Variants in CSTPP1 observed in about 807,000 individuals in gnomAD.
CSTPP1 encodes the protein centriolar satellite-associated tubulin polyglutamylase complex regulator 1.
the CSTPP1 span, among the ~76,000 whole-genome samples, chr11:47,134,821 T>G: frequency 6.6e-6 from 1 of 152,094 alleles, no homozygotes; most frequent in African/African-American, 2.4e-5. Context: ...GGCAGAAAAC[T>G]TTTAGGTGTT....
chr11:46,949,208 G>A, the CSTPP1 span, among the ~76,000 whole-genome samples: 2 of 152,178 alleles, frequency 1.3e-5, no homozygotes, highest in South Asian at 4.1e-4. Context: ...AGGGTTGAGA[G>A]GCTGAATTAA....
At chr11:47,144,382 G>T in the CSTPP1 span, among the ~76,000 whole-genome samples, 2 of 151,996 alleles carry the variant, frequency 1.3e-5, no homozygotes, top group Admixed American at 1.3e-4. Context: ...TAGAGACGGG[G>T]TTTCACCATG....
the CSTPP1 span, among the ~76,000 whole-genome samples, chr11:46,940,645 A>G: frequency 2.0e-5 from 3 of 152,208 alleles, no homozygotes; most frequent in East Asian, 5.8e-4. Context: ...CTATATATAT[A>G]CACATATATA....
the CSTPP1 span, among the ~76,000 whole-genome samples, chr11:47,112,533 G>C: frequency 6.6e-6 from 1 of 152,136 alleles, no homozygotes; most frequent in African/African-American, 2.4e-5. Flanking sequence ...TGTTGGCCAG[G>C]CTGGTCTCAA....
the CSTPP1 span, among the ~76,000 whole-genome samples, chr11:47,070,195 C>T: frequency 6.6e-6 from 1 of 152,042 alleles, no homozygotes. Flanking sequence ...TGTAAATACC[C>T]ACTGATCTGC....
At chr11:47,111,752 T>C in the CSTPP1 span, among the ~76,000 whole-genome samples, 2 of 152,160 alleles carry the variant, frequency 1.3e-5, no homozygotes, top group Non-Finnish European at 2.9e-5. Flanking sequence ...CCAAAGTACA[T>C]AAATGGTGCT....
At chr11:47,030,103 G>A in the CSTPP1 span, among the ~76,000 whole-genome samples, 10 of 152,118 alleles carry the variant, frequency 6.6e-5, no homozygotes, top group Non-Finnish European at 1.3e-4. Flanking sequence ...CTCCAGCCTT[G>A]GTAACAGAAT....
the CSTPP1 span, among the ~76,000 whole-genome samples, chr11:47,101,155 C>A: frequency 7.9e-6 from 1 of 126,064 alleles, no homozygotes; most frequent in Non-Finnish European, 1.6e-5. Flanking sequence ...CCTGCCACCA[C>A]ACCGGCTAAT....
the CSTPP1 span, among the ~76,000 whole-genome samples, chr11:46,962,693 T>G: frequency 6.6e-6 from 1 of 152,242 alleles, no homozygotes; most frequent in African/African-American, 2.4e-5. Context: ...ATTATCATAG[T>G]TAGCACTGTT....
chr11:47,093,839 T>C, the CSTPP1 span, among the ~76,000 whole-genome samples: 3 of 152,208 alleles, frequency 2.0e-5, no homozygotes, highest in East Asian at 5.8e-4. Flanking sequence ...TAAATGTTAG[T>C]TGTTGTTTTC....
the CSTPP1 span, among the ~76,000 whole-genome samples, chr11:47,143,793 A>G: frequency 1.8e-3 from 276 of 152,338 alleles, 2 homozygotes; most frequent in African/African-American, 6.4e-3. Flanking sequence ...ACAATATACT[A>G]GCTGTGCCCT....
the CSTPP1 span, among the ~76,000 whole-genome samples, chr11:47,094,833 A>G: frequency 6.6e-6 from 1 of 152,224 alleles, no homozygotes; most frequent in Non-Finnish European, 1.5e-5. Context: ...GTTTAAGAAG[A>G]AATGGAGGCA....
chr11:47,067,184 A>G, the CSTPP1 span, among the ~76,000 whole-genome samples: 1 of 152,192 alleles, frequency 6.6e-6, no homozygotes, highest in Non-Finnish European at 1.5e-5. Context: ...ACTAATGTTC[A>G]GAAAGGGAGT....
chr11:47,161,676 G>A, the CSTPP1 span: 1 of 1,565,908 alleles, frequency 6.4e-7, no homozygotes, highest in East Asian at 2.3e-5. Context: ...CCCTGTACCT[G>A]CTCCCACCCA....
the CSTPP1 span, chr11:47,155,451 C>A: frequency 1.6e-6 from 1 of 618,630 alleles, no homozygotes; most frequent in Non-Finnish European, 2.9e-6. Context: ...GTCTGCAGAG[C>A]CGACTTCCTC....
chr11:46,959,865 AT>A, the CSTPP1 span, among the ~76,000 whole-genome samples: 224 of 134,018 alleles, frequency 1.7e-3, 1 homozygote, highest in Admixed American at 2.2e-3. Context: ...GGTTTAAATA[AT>A]TTTTTTTTTT....
the CSTPP1 span, chr11:47,159,566 C>T: frequency 3.8e-5 from 17 of 451,280 alleles, no homozygotes; most frequent in South Asian, 1.1e-4. Context: ...AAGGGGGAGG[C>T]GGGTGGGATC....
At chr11:47,052,562 CCTTT>C in the CSTPP1 span, 5 of 1,578,444 alleles carry the variant, frequency 3.2e-6, no homozygotes, top group East Asian at 2.3e-5. Flanking sequence ...TTCCTTCCTT[CCTTT>C]CTTCCTTCCT....
the CSTPP1 span, among the ~76,000 whole-genome samples, chr11:47,001,479 A>G: frequency 1.5e-4 from 23 of 152,224 alleles, no homozygotes; most frequent in Non-Finnish European, 2.6e-4. Context: ...ATCCTTGGAG[A>G]AAAAAAGAGA....
Sources: allele counts gnomAD v4.1 joint callset (sites outside exome capture counted in the v4.1 genomes callset), GRCh38; gene constraint gnomAD v4.1.1; transcripts MANE v1.5; gene names NCBI Gene and HGNC (gene_info 2026-07-23, HGNC 2026-07-21).